Variants in ST8SIA4 observed in about 807,000 individuals in gnomAD.
The protein encoded by ST8SIA4 is ST8 alpha-N-acetyl-neuraminide alpha-2,8-sialyltransferase 4.
Under a neutral mutation model 33.9 loss-of-function variants are expected in ST8SIA4, and 15 were observed. The ratio of observed to expected loss-of-function variants is 0.44; its 90% CI spans 0.30 to 0.68. The LOEUF (loss-of-function observed/expected upper bound fraction) is 0.68, where lower values mean the gene tolerates loss of function less well. Ranked by LOEUF, ST8SIA4 falls within the 30% of genes least tolerant of loss-of-function variation. ST8SIA4 has a pLI of 0.10. For missense variants in ST8SIA4, 321 were observed against 428.0 expected, an observed-to-expected ratio of 0.75 and a Z score of 2.21; for synonymous variants, 171 against 151.2, an observed-to-expected ratio of 1.13 and a Z score of -0.96.
At chr5:100,831,146 CT>C (rs751958816) in intron 4 of ST8SIA4, among the ~76,000 whole-genome samples, 107 of 152,294 alleles carry the variant, frequency 7.0e-4, no homozygotes, top group Non-Finnish European at 1.0e-3. Flanking sequence ...CCTAAATTAA[CT>C]TTTTGAATTA....
At chr5:100,869,973 A>T (rs560049061) in intron 3 of ST8SIA4, among the ~76,000 whole-genome samples, 1 of 152,208 alleles carries the variant, frequency 6.6e-6, no homozygotes, top group South Asian at 2.1e-4. Flanking sequence ...CATTAGGTAT[A>T]TCTCCTAATG....
chr5:100,886,041 G>T (rs1443642880), intron 3 of ST8SIA4: 2 of 1,097,268 alleles, frequency 1.8e-6, no homozygotes, highest in Non-Finnish European at 2.2e-6. Context: ...GAGATACTAA[G>T]AAAAAAGTTT....
chr5:100,857,394 A>T (rs918638935), intron 3 of ST8SIA4, among the ~76,000 whole-genome samples: 42 of 151,580 alleles, frequency 2.8e-4, no homozygotes, highest in African/African-American at 8.0e-4. Flanking sequence ...TTTTTTTTAA[A>T]AAAACTATTT....
intron 1 of ST8SIA4, among the ~76,000 whole-genome samples, chr5:100,900,667 G>A (rs1580491785): frequency 6.6e-6 from 1 of 151,680 alleles, no homozygotes; most frequent in East Asian, 2.0e-4. Flanking sequence ...CGCGACGTTC[G>A]CGGCCAGCCC....
intron 3 of ST8SIA4, among the ~76,000 whole-genome samples, chr5:100,856,966 G>T: frequency 6.6e-6 from 1 of 152,050 alleles, no homozygotes; most frequent in East Asian, 1.9e-4. Context: ...GGTCTAAATG[G>T]GGAAGAAAAA....
At chr5:100,826,962 A>C (rs1334848080) in intron 4 of ST8SIA4, among the ~76,000 whole-genome samples, 1 of 76,174 alleles carries the variant, frequency 1.3e-5, no homozygotes, top group Non-Finnish European at 3.2e-5. Flanking sequence ...GTGTGTATAT[A>C]CACACACACA....
rs563893436 is a variant in ST8SIA4 at position 100,855,828 on chromosome 5, T to C, written c.797+275A>G. Among the ~76,000 whole-genome samples, 3 of 152,338 alleles carry C rather than the reference T, an allele frequency of 2.0e-5. No individual in the cohort carries two copies. In the East Asian group the frequency reaches 5.8e-4, roughly 29 times the overall value. On this transcript the variant is annotated intron_variant, in intron 4 of 4. Transcript: ENST00000231461. The stretch of plus-strand genomic sequence containing the variant: ...TAATTTTACTATGAATTCTTATTAC[T>C]TTTTAGTGCAAAAATATAAAAATTA...
chr5:100,816,338 T>C (rs564719945), intron 4 of ST8SIA4: 25 of 388,406 alleles, frequency 6.4e-5, no homozygotes, highest in African/African-American at 4.8e-4. Context: ...AAATACCTGA[T>C]TATTTCAAGC....
At chr5:100,895,418 G>C (rs954010440) in intron 2 of ST8SIA4, among the ~76,000 whole-genome samples, 2 of 151,988 alleles carry the variant, frequency 1.3e-5, no homozygotes, top group African/African-American at 4.8e-5. Context: ...TATTCCATTA[G>C]TATAAAGACA....
chr5:100,901,734 G>C (rs1752922216), intron 1 of ST8SIA4, among the ~76,000 whole-genome samples: 1 of 152,164 alleles, frequency 6.6e-6, no homozygotes, highest in Non-Finnish European at 1.5e-5. Flanking sequence ...CCTTCTGTAA[G>C]GATCAACCTG....
At chr5:100,816,966 A>G (rs2548275) in intron 4 of ST8SIA4, among the ~76,000 whole-genome samples, 133,617 of 149,012 alleles carry the variant, frequency 0.9, 60,719 homozygotes, top group Middle Eastern at 0.98. Context: ...ACAGAGTCTC[A>G]CTCTGTCGCT....
chr5:100,843,143 T>C (rs1328574924), intron 4 of ST8SIA4, among the ~76,000 whole-genome samples: 1 of 151,880 alleles, frequency 6.6e-6, no homozygotes, highest in Non-Finnish European at 1.5e-5. Context: ...TATCATCACT[T>C]TATCATTTTG....
chr5:100,860,792 T>G (rs1751920502), intron 3 of ST8SIA4, among the ~76,000 whole-genome samples: 1 of 152,194 alleles, frequency 6.6e-6, no homozygotes, highest in Non-Finnish European at 1.5e-5. Context: ...TATAAATTCA[T>G]CCTGCACACA....
chr5:100,871,012 A>G (rs922224611), intron 3 of ST8SIA4, among the ~76,000 whole-genome samples: 2 of 152,112 alleles, frequency 1.3e-5, no homozygotes, highest in African/African-American at 2.4e-5. Context: ...AGTAATTTTA[A>G]AAACATCATT....
intron 4 of ST8SIA4, among the ~76,000 whole-genome samples, chr5:100,829,907 C>CAA (rs773555217): frequency 0.051 from 5,594 of 109,280 alleles, 297 homozygotes; most frequent in African/African-American, 0.17. Flanking sequence ...GACTCCGTCT[C>CAA]AAAAAAAAAA....
intron 3 of ST8SIA4, among the ~76,000 whole-genome samples, chr5:100,883,436 G>T (rs574327555): frequency 3.5e-4 from 54 of 152,268 alleles, no homozygotes; most frequent in Admixed American, 2.9e-3. Flanking sequence ...GAAGGGACTT[G>T]CCTTGTCTCA....
chr5:100,873,357 A>G (rs1371145132), intron 3 of ST8SIA4, among the ~76,000 whole-genome samples: 2 of 152,124 alleles, frequency 1.3e-5, no homozygotes, highest in African/African-American at 4.8e-5. Context: ...GTAGAAAGAA[A>G]TAAGTAAATA....
At chr5:100,816,539 C>G (rs1257807338) in intron 4 of ST8SIA4, 1 of 525,710 alleles carries the variant, frequency 1.9e-6, no homozygotes, top group Non-Finnish European at 3.9e-6. Context: ...ATGACAAAAA[C>G]TGCAATTAAT....
chr5:100,875,064 A>C (rs576675660), intron 3 of ST8SIA4, among the ~76,000 whole-genome samples: 5 of 152,198 alleles, frequency 3.3e-5, no homozygotes, highest in African/African-American at 1.2e-4. Flanking sequence ...GTGGCATTAA[A>C]GAAGTGTTAT....
Sources: gnomAD v4.1 joint callset for allele counts (sites outside exome capture counted in the v4.1 genomes callset) on GRCh38, gnomAD v4.1.1 for gene constraint, MANE v1.5 for transcripts, NCBI Gene and HGNC (gene_info 2026-07-23, HGNC 2026-07-21) for gene names.